Variants in GFM2 observed in about 807,000 individuals in gnomAD.
GFM2 encodes the protein ribosome-releasing factor 2, mitochondrial.
In GFM2, 72 loss-of-function variants were observed where a neutral mutation model predicts 95.4. That is an observed-to-expected ratio of 0.76 (90% CI 0.62 to 0.92). The LOEUF (loss-of-function observed/expected upper bound fraction) is 0.92. GFM2 is among the 40% of genes least tolerant of loss of function. GFM2 has a pLI of 0.00. For missense variants in GFM2, 825 were observed against 924.1 expected (o/e 0.89, Z 1.39); for synonymous variants, 276 against 317.5 (o/e 0.87, Z 1.39).
chr5:74,733,637 G>GATC (rs1742686280), intron 15 of GFM2, among the ~76,000 whole-genome samples: 1 of 152,150 alleles, frequency 6.6e-6, no homozygotes, highest in Non-Finnish European at 1.5e-5. Context: ...GTGTGGCAGG[G>GATC]ATCATATCAT....
chr5:74,761,703 C>G (rs1240333783), intron 2 of GFM2, among the ~76,000 whole-genome samples: 5 of 152,134 alleles, frequency 3.3e-5, no homozygotes, highest in Non-Finnish European at 7.4e-5. Context: ...TAAGGCCAAG[C>G]CTACCTCCTC....
At chr5:74,728,936 A>C (rs1172428427) in intron 17 of GFM2, among the ~76,000 whole-genome samples, 4 of 151,332 alleles carry the variant, frequency 2.6e-5, no homozygotes, top group Admixed American at 1.3e-4. Context: ...TTGTATTTTT[A>C]GTAGAAACGG....
chr5:74,759,323 T>G, intron 4 of GFM2, 46 bp downstream of exon 4: 1 of 1,127,570 alleles, frequency 8.9e-7, no homozygotes, highest in African/African-American at 1.6e-5. Flanking sequence ...ACCTGTAAAT[T>G]TTCGTGACAG....
chr5:74,721,255 CTGTT>C lies in GFM2; in HGVS notation c.*396_*399del, dbSNP rs1354475168. 1 of 1,122,602 alleles carries C rather than the reference CTGTT, an allele frequency of 8.9e-7. No homozygotes were observed. The highest frequency in any genetic ancestry group is 1.4e-6 in the Non-Finnish European group (1 of 737,596). The allele number at this position is 1,122,602 out of a possible 1,614,324, so 69.5% of individuals were successfully genotyped here. A position where few individuals can be genotyped will look rare whatever the true frequency, so the allele number is the denominator to read the frequency against. On this transcript the variant is annotated 3_prime_UTR_variant, in exon 21 of 21. Transcript: ENST00000296805. ...AAATCATGTAAAATAAGATATTAGA[CTGTT>C]TTTTGAATAAAATATTTTTATTGAT...
intron 2 of GFM2, among the ~76,000 whole-genome samples, chr5:74,761,717 C>G (rs968797113): frequency 6.6e-6 from 1 of 152,122 alleles, no homozygotes. Flanking sequence ...CCTCCTCTAC[C>G]TTAGCTGCTT....
chr5:74,730,135 C>T, intron 17 of GFM2, 125 bp downstream of exon 17: 4 of 877,704 alleles, frequency 4.6e-6, no homozygotes, highest in Non-Finnish European at 6.6e-6. Context: ...AAAAACCCCA[C>T]ATACATAAAA....
intron 8 of GFM2, 68 bp from the exon 9 acceptor site, chr5:74,746,233 G>A: frequency 3.5e-6 from 3 of 845,970 alleles, no homozygotes; most frequent in African/African-American, 1.8e-5. Flanking sequence ...TATCAAGAGA[G>A]GAAAAAAAAC....
intron 17 of GFM2, among the ~76,000 whole-genome samples, chr5:74,727,859 T>A (rs1307463626): frequency 3.2e-4 from 49 of 152,326 alleles, no homozygotes; most frequent in African/African-American, 1.0e-3. Flanking sequence ...TTAACATCTA[T>A]CATGTCAAAA....
chr5:74,750,652 G>A lies in GFM2; in HGVS notation c.446C>T (p.Thr149Ile), dbSNP rs1353383063. Reference protein sequence around the residue: ...LIDTPGHVDFTLEVERCLRVL... With the variant: ...LIDTPGHVDFILEVERCLRVL... ...TCTTAGGCACCGCTCAACCTCCAAG[G>A]TAAAGTCCACATGACCTAAGAAAAA... Residue 149 changes from threonine to isoleucine, a missense_variant, in exon 7 of 21, where the codon ACC (threonine) becomes ATC (isoleucine). Transcript: ENST00000296805. The A allele has an allele frequency of 6.2e-6, 10 of 1,612,592 alleles. No homozygotes were observed. In the South Asian group the frequency reaches 9.9e-5, roughly 16 times the overall value.
At chr5:74,723,008 G>A (rs1050354950) in intron 19 of GFM2, among the ~76,000 whole-genome samples, 4 of 151,972 alleles carry the variant, frequency 2.6e-5, no homozygotes, top group Admixed American at 6.6e-5. Context: ...TAGAATCTTA[G>A]ATTTCAAAGG....
rs558763368 is a variant in GFM2, at chr5:74,736,203, G to C, written c.1510+593C>G. ...GTCCTATTAAAGCAATTGTTATTTG[G>C]GGGTTTTCTGCTATATGTAACCAAA... On this transcript the variant is annotated intron_variant, in intron 15 of 20. Transcript: ENST00000296805. 349 of 214,028 alleles carry C rather than the reference G, an allele frequency of 1.6e-3. 1 individual carries two copies. The highest frequency in any genetic ancestry group is 2.5e-3 in the Non-Finnish European group (309 of 124,548). 13.3% of individuals were successfully genotyped at this position (214,028 alleles called of 1,614,324 possible). A position where few individuals can be genotyped will look rare whatever the true frequency, so the allele number is the denominator to read the frequency against.
intron 1 of GFM2, among the ~76,000 whole-genome samples, chr5:74,766,389 G>T (rs1304313278): frequency 6.6e-6 from 1 of 152,220 alleles, no homozygotes; most frequent in Non-Finnish European, 1.5e-5. Context: ...TTTTGGTACA[G>T]TTCTTTTTGT....
chr5:74,737,342 C>A (rs1279176792), intron 14 of GFM2, among the ~76,000 whole-genome samples: 1 of 152,078 alleles, frequency 6.6e-6, no homozygotes, highest in Non-Finnish European at 1.5e-5. Context: ...GAATTTATTC[C>A]TTTTTTACAG....
At chr5:74,732,967 C>T in intron 16 of GFM2, 55 bp downstream of exon 16, 4 of 929,970 alleles carry the variant, frequency 4.3e-6, no homozygotes, top group Non-Finnish European at 7.1e-6. Flanking sequence ...CACACACACA[C>T]ACACACACAC....
chr5:74,746,232 A>G, intron 8 of GFM2, 67 bp from the exon 9 acceptor site: 1 of 856,108 alleles, frequency 1.2e-6, no homozygotes, highest in Non-Finnish European at 1.6e-6. Context: ...GTATCAAGAG[A>G]GGAAAAAAAA....
intron 5 of GFM2, among the ~76,000 whole-genome samples, chr5:74,757,875 G>T (rs970418458): frequency 2.0e-5 from 3 of 151,882 alleles, no homozygotes; most frequent in African/African-American, 7.3e-5. Context: ...CCATTTATAT[G>T]AGGTACCTAG....
chr5:74,724,813 A>G (rs980200435), intron 19 of GFM2, among the ~76,000 whole-genome samples: 1 of 152,218 alleles, frequency 6.6e-6, no homozygotes, highest in Non-Finnish European at 1.5e-5. Flanking sequence ...TGCAAAAGCA[A>G]TCACCTAAGA....
intron 5 of GFM2, among the ~76,000 whole-genome samples, chr5:74,756,675 A>ATG (rs1012540699): frequency 4.0e-5 from 6 of 151,684 alleles, no homozygotes; most frequent in African/African-American, 1.5e-4. Flanking sequence ...GTATATATAT[A>ATG]TACACACACA....
At chr5:74,753,813 A>T (rs564870204) in intron 5 of GFM2, among the ~76,000 whole-genome samples, 90 of 152,284 alleles carry the variant, frequency 5.9e-4, no homozygotes, top group African/African-American at 2.0e-3. Flanking sequence ...ATCAAGGAAA[A>T]CTTCCCTGGC....
Sources: gnomAD v4.1 joint callset for allele counts (sites outside exome capture counted in the v4.1 genomes callset) on GRCh38, gnomAD v4.1.1 for gene constraint, MANE v1.5 for transcripts, NCBI Gene and HGNC (gene_info 2026-07-23, HGNC 2026-07-21) for gene names.